The following CCDC178 variants were observed in gnomAD, a reference collection of about 807,000 sequenced individuals.
CCDC178 encodes coiled-coil domain-containing protein 178.
CCDC178 carries 126 observed loss-of-function variants against 117.4 expected under a neutral mutation model. The observed-to-expected ratio is 1.07, with a 90% confidence interval of 0.93 to 1.24. The LOEUF (loss-of-function observed/expected upper bound fraction) is 1.24. Ranked by LOEUF, CCDC178 falls within the 50% of genes most tolerant of loss-of-function variation. CCDC178 has a pLI of 0.00. For missense variants in CCDC178, 1,030 were observed against 986.9 expected (o/e 1.04, Z -0.59); for synonymous variants, 283 against 313.4 (o/e 0.90, Z 1.02).
At chr18:33,257,894 A>T (rs2059699027) in intron 14 of CCDC178, among the ~76,000 whole-genome samples, 1 of 151,910 alleles carries the variant, frequency 6.6e-6, no homozygotes, top group African/African-American at 2.4e-5. Context: ...GCCTAAGGAG[A>T]CATATCTTCT....
intron 2 of CCDC178, among the ~76,000 whole-genome samples, chr18:33,424,804 G>C (rs1422426750): frequency 6.6e-6 from 1 of 152,202 alleles, no homozygotes; most frequent in Non-Finnish European, 1.5e-5. Flanking sequence ...GAGAGAGCTA[G>C]CGTAAGACAG....
chr18:33,249,877 A>G (rs1329256978), intron 14 of CCDC178, among the ~76,000 whole-genome samples: 1 of 151,976 alleles, frequency 6.6e-6, no homozygotes. Context: ...CATTTTCATG[A>G]CATTGATTCT....
intron 20 of CCDC178, among the ~76,000 whole-genome samples, chr18:33,144,860 G>C (rs533192789): frequency 6.6e-6 from 1 of 152,234 alleles, no homozygotes; most frequent in African/African-American, 2.4e-5. Flanking sequence ...TAGAATAACA[G>C]TGCCATGAAT....
chr18:32,992,286 T>TA (rs2055411234), intron 21 of CCDC178, among the ~76,000 whole-genome samples: 1 of 152,208 alleles, frequency 6.6e-6, no homozygotes, highest in Non-Finnish European at 1.5e-5. Flanking sequence ...TTGCTGTTTC[T>TA]AAAATACATT....
chr18:32,991,814 TAAAG>T (rs1335422620), intron 21 of CCDC178, among the ~76,000 whole-genome samples: 1 of 152,202 alleles, frequency 6.6e-6, no homozygotes, highest in East Asian at 1.9e-4. Flanking sequence ...CTAGTCTAAA[TAAAG>T]AATTTCTATT....
chr18:33,273,232 T>C (rs67066826), intron 12 of CCDC178, among the ~76,000 whole-genome samples: 10,400 of 151,518 alleles, frequency 0.069, 552 homozygotes, highest in African/African-American at 0.14. Flanking sequence ...ACATTGGTGG[T>C]ATTTCTACAC....
At chr18:33,123,697 CGTT>C (rs754661314) in intron 20 of CCDC178, among the ~76,000 whole-genome samples, 46 of 152,014 alleles carry the variant, frequency 3.0e-4, no homozygotes, top group Non-Finnish European at 4.7e-4. Flanking sequence ...TGTCAGCAAT[CGTT>C]GTGTATAGTT....
At chr18:33,288,520 A>G (rs1047888666) in intron 12 of CCDC178, among the ~76,000 whole-genome samples, 3 of 149,832 alleles carry the variant, frequency 2.0e-5, no homozygotes, top group African/African-American at 7.4e-5. Flanking sequence ...TTACTCAACA[A>G]GCACTTATTG....
chr18:33,292,928 C>G (rs1193536615), intron 12 of CCDC178, among the ~76,000 whole-genome samples: 1 of 152,014 alleles, frequency 6.6e-6, no homozygotes, highest in East Asian at 2.0e-4. Flanking sequence ...CCACTTGAGC[C>G]ATGCTGTGCC....
At chr18:33,124,116 G>A (rs1217943189) in intron 20 of CCDC178, among the ~76,000 whole-genome samples, 1 of 152,150 alleles carries the variant, frequency 6.6e-6, no homozygotes, top group East Asian at 1.9e-4. Flanking sequence ...GTTGTGAAGT[G>A]TAAATGGAAC....
chr18:33,094,487 T>G (rs1206285208), intron 20 of CCDC178, among the ~76,000 whole-genome samples: 1 of 151,946 alleles, frequency 6.6e-6, no homozygotes, highest in Non-Finnish European at 1.5e-5. Flanking sequence ...GTTCATTTGT[T>G]TTTTTGATTA....
intron 11 of CCDC178, among the ~76,000 whole-genome samples, chr18:33,320,223 G>A (rs1331150997): frequency 6.6e-6 from 1 of 152,178 alleles, no homozygotes; most frequent in Non-Finnish European, 1.5e-5. Context: ...GTTCAACATA[G>A]TGTTGGAAGT....
At chr18:33,066,351 GA>G (rs1445179438) in intron 21 of CCDC178, among the ~76,000 whole-genome samples, 1 of 150,750 alleles carries the variant, frequency 6.6e-6, no homozygotes, top group Admixed American at 6.6e-5. Context: ...ATATAAGTAA[GA>G]AAGAGAAACG....
intron 5 of CCDC178, among the ~76,000 whole-genome samples, chr18:33,377,254 GAA>G (rs1329580062): frequency 6.7e-6 from 1 of 149,202 alleles, no homozygotes; most frequent in African/African-American, 2.5e-5. Context: ...GTTTTCTTTT[GAA>G]AAGTGTTTAT....
At chr18:33,255,184 G>A (rs1326740596) in intron 14 of CCDC178, among the ~76,000 whole-genome samples, 1 of 152,062 alleles carries the variant, frequency 6.6e-6, no homozygotes, top group Non-Finnish European at 1.5e-5. Context: ...GCCCTAGCCA[G>A]GATGGGGTCA....
intron 2 of CCDC178, among the ~76,000 whole-genome samples, chr18:33,433,166 T>C (rs2064244158): frequency 6.6e-6 from 1 of 152,144 alleles, no homozygotes; most frequent in Non-Finnish European, 1.5e-5. Context: ...CATCTAAAAT[T>C]CTACTGAAAA....
intron 20 of CCDC178, among the ~76,000 whole-genome samples, chr18:33,202,213 G>A (rs1346932409): frequency 6.6e-6 from 1 of 151,718 alleles, no homozygotes; most frequent in Non-Finnish European, 1.5e-5. Flanking sequence ...TCAACATGGT[G>A]AAACCCCGTC....
chr18:33,225,244 C>T (rs142475444), intron 16 of CCDC178, among the ~76,000 whole-genome samples: 3 of 152,058 alleles, frequency 2.0e-5, no homozygotes, highest in African/African-American at 7.2e-5. Context: ...TTCACTACAA[C>T]CTCCACCTCC....
intron 17 of CCDC178, among the ~76,000 whole-genome samples, chr18:33,224,251 T>C (rs998461505): frequency 6.6e-6 from 1 of 152,198 alleles, no homozygotes; most frequent in Non-Finnish European, 1.5e-5. Context: ...AAAAGACTAA[T>C]GACAGGATTA....
Sources: gnomAD v4.1 joint callset for allele counts (sites outside exome capture counted in the v4.1 genomes callset) on GRCh38, gnomAD v4.1.1 for gene constraint, MANE v1.5 for transcripts, NCBI Gene and HGNC (gene_info 2026-07-23, HGNC 2026-07-21) for gene names.